The following OR2L13 variants were observed in gnomAD, a reference collection of about 807,000 sequenced individuals.
The protein encoded by OR2L13 is olfactory receptor 2L13.
Under a neutral mutation model 15.3 loss-of-function variants are expected in OR2L13, and 14 were observed. The ratio of observed to expected loss-of-function variants is 0.91; its 90% CI spans 0.60 to 1.43. The LOEUF (loss-of-function observed/expected upper bound fraction) is 1.43, where lower values mean the gene tolerates loss of function less well. Ranked by LOEUF, OR2L13 falls within the 40% of genes most tolerant of loss-of-function variation. The pLI is 0.00. For missense variants in OR2L13, 367 were observed against 387.9 expected (o/e 0.95, Z 0.45); for synonymous variants, 152 against 142.9 (o/e 1.06, Z -0.45).
the OR2L13 span, among the ~76,000 whole-genome samples, chr1:247,943,244 G>T: frequency 1.3e-5 from 2 of 152,130 alleles, no homozygotes; most frequent in Non-Finnish European, 2.9e-5. Flanking sequence ...TGGACATAAA[G>T]ATGGGAATAG....
chr1:248,095,764 G>A (rs368122939), upstream of OR2L13, among the ~76,000 whole-genome samples: 16 of 150,688 alleles, frequency 1.1e-4, no homozygotes, highest in South Asian at 2.1e-4. Context: ...ATGCCACCAC[G>A]CCTGGCTAAT....
the OR2L13 span, among the ~76,000 whole-genome samples, chr1:248,075,096 C>A: frequency 6.6e-6 from 1 of 151,758 alleles, no homozygotes; most frequent in Non-Finnish European, 1.5e-5. Flanking sequence ...TCGTTCAATT[C>A]CCACCTATGA....
the OR2L13 span, among the ~76,000 whole-genome samples, chr1:248,014,172 T>C: frequency 6.6e-6 from 1 of 152,160 alleles, no homozygotes; most frequent in African/African-American, 2.4e-5. Flanking sequence ...AATAATCTTA[T>C]TGCTGTTTCT....
chr1:247,966,877 T>C, the OR2L13 span, among the ~76,000 whole-genome samples: 173 of 152,336 alleles, frequency 1.1e-3, no homozygotes, highest in African/African-American at 3.9e-3. Flanking sequence ...ATTGCTGTTT[T>C]CTTATCTTGA....
chr1:247,976,034 A>G, the OR2L13 span, among the ~76,000 whole-genome samples: 1 of 152,232 alleles, frequency 6.6e-6, no homozygotes, highest in African/African-American at 2.4e-5. Context: ...CTAATTGAAT[A>G]TAAGATAGTA....
the OR2L13 span, among the ~76,000 whole-genome samples, chr1:248,059,462 C>A: frequency 6.6e-6 from 1 of 152,086 alleles, no homozygotes; most frequent in Admixed American, 6.6e-5. Flanking sequence ...AAGGAAAAGA[C>A]AAAATGTGTA....
the OR2L13 span, among the ~76,000 whole-genome samples, chr1:247,977,991 T>C: frequency 1.9e-3 from 290 of 152,314 alleles, 4 homozygotes; most frequent in Non-Finnish European, 6.2e-4. Context: ...AAGGCTGATA[T>C]GAGGCTTCCT....
At chr1:248,055,446 T>C in the OR2L13 span, among the ~76,000 whole-genome samples, 2 of 152,276 alleles carry the variant, frequency 1.3e-5, no homozygotes, top group African/African-American at 2.4e-5. Context: ...AGCAGGATGA[T>C]GCTGGCCTCA....
the OR2L13 span, among the ~76,000 whole-genome samples, chr1:247,978,324 T>G: frequency 0.032 from 4,855 of 151,396 alleles, 144 homozygotes; most frequent in East Asian, 0.15. Context: ...TACCACTCAA[T>G]GGGTAATTGA....
the OR2L13 span, chr1:248,003,944 G>A: frequency 5.0e-6 from 8 of 1,613,394 alleles, no homozygotes; most frequent in Non-Finnish European, 6.8e-6. Flanking sequence ...AGAGGACAAG[G>A]TTCTGGCTGT....
chr1:247,945,123 A>G, the OR2L13 span, among the ~76,000 whole-genome samples: 2 of 151,878 alleles, frequency 1.3e-5, no homozygotes. Flanking sequence ...AGATCTTTCT[A>G]GCTTTTTGCT....
the OR2L13 span, among the ~76,000 whole-genome samples, chr1:248,009,820 C>A: frequency 6.6e-6 from 1 of 152,058 alleles, no homozygotes; most frequent in Non-Finnish European, 1.5e-5. Context: ...TATCCACCAC[C>A]ATCAAGTTGG....
the OR2L13 span, among the ~76,000 whole-genome samples, chr1:248,009,790 C>T: frequency 6.6e-6 from 1 of 152,086 alleles, no homozygotes; most frequent in Non-Finnish European, 1.5e-5. Context: ...AAACCAAATC[C>T]AACAGCATAT....
chr1:247,970,478 C>T, the OR2L13 span, among the ~76,000 whole-genome samples: 4 of 152,108 alleles, frequency 2.6e-5, no homozygotes, highest in Non-Finnish European at 5.9e-5. Flanking sequence ...GAAAAACCCA[C>T]AACTTGTGTG....
the OR2L13 span, among the ~76,000 whole-genome samples, chr1:248,079,538 T>A: frequency 2.0e-5 from 3 of 152,280 alleles, no homozygotes; most frequent in East Asian, 5.8e-4. Context: ...GGATGATTAT[T>A]CTACCTAATA....
chr1:248,028,235 A>G, the OR2L13 span, among the ~76,000 whole-genome samples: 2 of 148,770 alleles, frequency 1.3e-5, no homozygotes, highest in African/African-American at 5.0e-5. Flanking sequence ...CAGCTGACCT[A>G]TGATTAACAA....
At chr1:247,940,446 A>G in the OR2L13 span, among the ~76,000 whole-genome samples, 5 of 152,190 alleles carry the variant, frequency 3.3e-5, no homozygotes, top group Non-Finnish European at 7.4e-5. Flanking sequence ...TTTAATAAAT[A>G]TCATAAAGTA....
At chr1:248,042,510 A>C in the OR2L13 span, among the ~76,000 whole-genome samples, 1 of 152,010 alleles carries the variant, frequency 6.6e-6, no homozygotes, top group Admixed American at 6.6e-5. Context: ...TACAATAATA[A>C]AAAATAAATA....
At chr1:248,099,230 C>G (rs1379675844) in intron 2 of OR2L13, 128 bp from the exon 3 acceptor site, 1 of 614,682 alleles carries the variant, frequency 1.6e-6, no homozygotes, top group East Asian at 2.7e-5. Context: ...TTAAAAAAAA[C>G]CTGCAGTGTT....
Sources: gnomAD v4.1 joint callset for allele counts (sites outside exome capture counted in the v4.1 genomes callset) on GRCh38, gnomAD v4.1.1 for gene constraint, MANE v1.5 for transcripts, NCBI Gene and HGNC (gene_info 2026-07-23, HGNC 2026-07-21) for gene names.